Variants in DSG2 observed in about 807,000 individuals in gnomAD.
The protein encoded by DSG2 is desmoglein-2.
DSG2 carries 45 observed loss-of-function variants against 75.6 expected under a neutral mutation model. The observed-to-expected ratio is 0.60, with a 90% CI of 0.47 to 0.76. The LOEUF is 0.76. Ranked by LOEUF, DSG2 falls within the 30% of genes least tolerant of loss-of-function variation. The pLI is 0.00. For missense variants in DSG2, 1,267 were observed against 1,357.4 expected (o/e 0.93, Z 1.05); for synonymous variants, 429 against 483.9 (o/e 0.89, Z 1.49).
intron 12 of DSG2, among the ~76,000 whole-genome samples, chr18:31,540,894 G>C (rs1022547524): frequency 1.8e-4 from 28 of 151,956 alleles, no homozygotes; most frequent in African/African-American, 6.8e-4. Context: ...AGCTGGTTTT[G>C]ATGATTTGGA....
intron 12 of DSG2, 73 bp downstream of exon 12, chr18:31,539,051 A>G: frequency 2.1e-6 from 3 of 1,398,928 alleles, no homozygotes; most frequent in Non-Finnish European, 3.0e-6. Context: ...TTACTATGGT[A>G]GTCATTGATT....
chr18:31,502,241 G>A (rs1438700973), intron 1 of DSG2, among the ~76,000 whole-genome samples: 1 of 152,172 alleles, frequency 6.6e-6, no homozygotes, highest in Non-Finnish European at 1.5e-5. Flanking sequence ...TGGTGTGTGA[G>A]TGTAGTGAGC....
At chr18:31,533,855 C>T (rs1289403001) in intron 9 of DSG2, among the ~76,000 whole-genome samples, 1 of 152,246 alleles carries the variant, frequency 6.6e-6, no homozygotes, top group Middle Eastern at 3.4e-3. Flanking sequence ...TCCTGTGTGC[C>T]TCGAAGCCAC....
intron 12 of DSG2, 142 bp downstream of exon 12, chr18:31,539,120 T>C (rs1444517400): frequency 3.7e-6 from 3 of 805,920 alleles, no homozygotes; most frequent in Non-Finnish European, 6.3e-6. Flanking sequence ...GGGAAACAAC[T>C]GATGATTGGC....
chr18:31,511,561 A>G (rs1477986936), intron 1 of DSG2, among the ~76,000 whole-genome samples: 1 of 152,246 alleles, frequency 6.6e-6, no homozygotes, highest in Non-Finnish European at 1.5e-5. Context: ...ACAAAATGTT[A>G]GTGCAGTTCT....
intron 8 of DSG2, among the ~76,000 whole-genome samples, chr18:31,530,093 T>G (rs1316960327): frequency 1.3e-5 from 2 of 152,194 alleles, no homozygotes; most frequent in African/African-American, 4.8e-5. Flanking sequence ...GAAAGGTTAA[T>G]CTTTTATGGA....
At chr18:31,545,577 C>T in intron 14 of DSG2, 144 bp from the exon 15 acceptor site, 1 of 999,802 alleles carries the variant, frequency 1.0e-6, no homozygotes, top group South Asian at 1.5e-5. Context: ...GGATCTCTCT[C>T]AATTTGTGTT....
At chr18:31,503,434 G>A (rs2073023941) in intron 1 of DSG2, among the ~76,000 whole-genome samples, 1 of 152,204 alleles carries the variant, frequency 6.6e-6, no homozygotes, top group African/African-American at 2.4e-5. Context: ...ATAGTTCATG[G>A]TTCTGCAGAG....
chr18:31,543,068 T>C (rs1296064791), intron 14 of DSG2: 1 of 469,176 alleles, frequency 2.1e-6, no homozygotes, highest in East Asian at 3.3e-5. Flanking sequence ...GTAACCATGA[T>C]CTTAGTTCTC....
chr18:31,541,687 C>T (rs1364136793), intron 13 of DSG2, among the ~76,000 whole-genome samples: 1 of 152,176 alleles, frequency 6.6e-6, no homozygotes, highest in Non-Finnish European at 1.5e-5. Context: ...CCACAACCCC[C>T]ATGACACTTG....
intron 14 of DSG2, 98 bp downstream of exon 14, chr18:31,542,950 A>T: frequency 6.3e-6 from 6 of 957,880 alleles, no homozygotes; most frequent in Non-Finnish European, 4.2e-6. Flanking sequence ...GATCCAAATG[A>T]GACTTTGGGT....
At chr18:31,504,611 G>T (rs1030504269) in intron 1 of DSG2, among the ~76,000 whole-genome samples, 6 of 152,096 alleles carry the variant, frequency 3.9e-5, no homozygotes, top group Admixed American at 2.6e-4. Flanking sequence ...ATCAAGTAGG[G>T]GTGGGAGACA....
intron 1 of DSG2, among the ~76,000 whole-genome samples, chr18:31,512,811 A>AT (rs2073074391): frequency 6.6e-6 from 1 of 152,116 alleles, no homozygotes; most frequent in South Asian, 2.1e-4. Flanking sequence ...CCCTGCTTTA[A>AT]TTTTTTTTAT....
intron 6 of DSG2, among the ~76,000 whole-genome samples, chr18:31,523,198 G>A (rs56389431): frequency 0.22 from 33,880 of 151,930 alleles, 4,152 homozygotes; most frequent in East Asian, 0.27. Context: ...TCAGGAGATC[G>A]AGACCATCCT....
At position 31,546,045 on chromosome 18, in the gene DSG2, A is replaced by G. The variant is rs1598826780; in HGVS notation, c.2659A>G (p.Ser887Gly). ...AGAGAATACCTACTCCTCTGGCAGT[A>G]GCTTCCCAGTTCCAAAATCTTTGCA... is the stretch of plus-strand genomic sequence containing the variant. ...NSENTYSSGS[S>G]FPVPKSLQEA... Residue 887 changes from serine to glycine, a missense_variant, in exon 15 of 15, where the codon AGC becomes GGC. Coordinates refer to ENST00000261590, the MANE Select transcript of DSG2 (RefSeq NM_001943.5). The G allele has an allele frequency of 6.2e-7, 1 of 1,614,238 alleles. No individual in the cohort carries two copies. The highest frequency in any genetic ancestry group is 8.5e-7 in the Non-Finnish European group (1 of 1,180,054).
At chr18:31,530,858 T>C in intron 8 of DSG2, 129 bp from the exon 9 acceptor site, 6 of 868,690 alleles carry the variant, frequency 6.9e-6, no homozygotes, top group Non-Finnish European at 1.1e-5. Flanking sequence ...AGTTGGACTA[T>C]TCAGTGCTGC....
chr18:31,509,523 G>A (rs1351699828), intron 1 of DSG2, among the ~76,000 whole-genome samples: 1 of 151,864 alleles, frequency 6.6e-6, no homozygotes, highest in Non-Finnish European at 1.5e-5. Flanking sequence ...TAAATGTCTA[G>A]ATCATCTGTA....
At chr18:31,498,407 G>A in intron 1 of DSG2, 111 bp downstream of exon 1, 1 of 1,155,440 alleles carries the variant, frequency 8.7e-7, no homozygotes, top group Non-Finnish European at 1.1e-6. Flanking sequence ...TTACCTGCCC[G>A]GCGCTCCTTC....
intron 12 of DSG2, among the ~76,000 whole-genome samples, chr18:31,540,274 T>C (rs1401003691): frequency 6.6e-6 from 1 of 152,204 alleles, no homozygotes; most frequent in Non-Finnish European, 1.5e-5. Flanking sequence ...CATTGGTAGA[T>C]GTGCAATTGA....
Sources: gnomAD v4.1 joint callset for allele counts (sites outside exome capture counted in the v4.1 genomes callset) on GRCh38, gnomAD v4.1.1 for gene constraint, MANE v1.5 for transcripts, NCBI Gene and HGNC (gene_info 2026-07-23, HGNC 2026-07-21) for gene names.